Variants in SPIDR observed in about 807,000 individuals in gnomAD.
SPIDR encodes the protein scaffold protein involved in DNA repair, also known as DNA repair-scaffolding protein.
Under a neutral mutation model 104.6 loss-of-function variants are expected in SPIDR, and 93 were observed. The observed-to-expected ratio is 0.89, with a 90% CI of 0.75 to 1.06. SPIDR has a LOEUF of 1.06. Among genes scored for constraint, SPIDR ranks in the 50% least tolerant of loss-of-function variants. The pLI is 0.00. For synonymous variants in SPIDR, 431 were observed against 416.9 expected (o/e 1.03, Z -0.41); for missense variants, 1,154 against 1,111.2 (o/e 1.04, Z -0.55).
chr8:47,288,514 G>C (rs1339262906), intron 3 of SPIDR, among the ~76,000 whole-genome samples: 2 of 152,206 alleles, frequency 1.3e-5, no homozygotes, highest in Non-Finnish European at 2.9e-5. Context: ...TTGAACTTCT[G>C]ACCTCGTGAT....
At chr8:47,707,093 A>T (rs1387767334) in intron 14 of SPIDR, among the ~76,000 whole-genome samples, 1 of 151,432 alleles carries the variant, frequency 6.6e-6, no homozygotes, top group Non-Finnish European at 1.5e-5. Context: ...TCTCTACTAA[A>T]ACTACAAAAA....
At chr8:47,486,800 TGA>T (rs2077703747) in intron 8 of SPIDR, among the ~76,000 whole-genome samples, 5 of 152,142 alleles carry the variant, frequency 3.3e-5, no homozygotes. Context: ...AAGCAAATGC[TGA>T]GAGATTTTGT....
At chr8:47,628,854 A>C (rs2066606183) in intron 10 of SPIDR, among the ~76,000 whole-genome samples, 1 of 152,260 alleles carries the variant, frequency 6.6e-6, no homozygotes, top group Admixed American at 6.5e-5. Context: ...TTGGGATTAA[A>C]GTATAAACCA....
chr8:47,479,286 G>A (rs529952546), intron 8 of SPIDR, among the ~76,000 whole-genome samples: 9 of 151,808 alleles, frequency 5.9e-5, no homozygotes, highest in African/African-American at 2.2e-4. Flanking sequence ...TTGAACCTGG[G>A]AGGCGGAGGC....
chr8:47,576,168 T>A (rs749601556), intron 8 of SPIDR, among the ~76,000 whole-genome samples: 41 of 151,286 alleles, frequency 2.7e-4, no homozygotes, highest in Admixed American at 1.9e-3. Context: ...TATTTATTTA[T>A]TTTGAGACGG....
chr8:47,355,496 C>T (rs16925242), intron 5 of SPIDR, among the ~76,000 whole-genome samples: 6,750 of 152,020 alleles, frequency 0.044, 458 homozygotes, highest in African/African-American at 0.15. Flanking sequence ...TTTGCGGTAA[C>T]GGAGCATTTA....
intron 8 of SPIDR, among the ~76,000 whole-genome samples, chr8:47,493,950 TA>T (rs1342902995): frequency 1.3e-5 from 2 of 152,190 alleles, no homozygotes; most frequent in African/African-American, 4.8e-5. Flanking sequence ...TCAAAAAGCA[TA>T]AGGGGGAGAG....
intron 8 of SPIDR, among the ~76,000 whole-genome samples, chr8:47,468,144 A>G (rs2075181353): frequency 6.6e-6 from 1 of 152,202 alleles, no homozygotes; most frequent in Non-Finnish European, 1.5e-5. Flanking sequence ...AATAGAACTG[A>G]CCAAGGAGGT....
intron 8 of SPIDR, among the ~76,000 whole-genome samples, chr8:47,441,758 G>C (rs891853011): frequency 9.2e-5 from 14 of 152,110 alleles, no homozygotes; most frequent in Admixed American, 2.6e-4. Flanking sequence ...TTTATTCTAA[G>C]ACTTTCATCG....
intron 8 of SPIDR, among the ~76,000 whole-genome samples, chr8:47,570,268 A>T (rs546796720): frequency 1.3e-5 from 2 of 152,234 alleles, no homozygotes; most frequent in African/African-American, 4.8e-5. Context: ...AAACCCCTCT[A>T]TGGTCAGTTG....
chr8:47,645,470 A>T (rs1402922486), intron 10 of SPIDR, among the ~76,000 whole-genome samples: 6 of 152,128 alleles, frequency 3.9e-5, no homozygotes, highest in South Asian at 2.1e-4. Flanking sequence ...ACCAAGCTGA[A>T]GGAGTCAAAT....
chr8:47,682,945 G>C (rs1340081999), intron 11 of SPIDR, among the ~76,000 whole-genome samples: 1 of 152,138 alleles, frequency 6.6e-6, no homozygotes, highest in Non-Finnish European at 1.5e-5. Context: ...CTATCAATGA[G>C]AGTGAAAATC....
intron 10 of SPIDR, among the ~76,000 whole-genome samples, chr8:47,620,096 C>A (rs978904151): frequency 6.6e-6 from 1 of 152,020 alleles, no homozygotes; most frequent in Non-Finnish European, 1.5e-5. Context: ...TAATAGAAAG[C>A]GTACTAGCAG....
At chr8:47,667,227 C>T (rs2075068271) in intron 10 of SPIDR, among the ~76,000 whole-genome samples, 1 of 151,678 alleles carries the variant, frequency 6.6e-6, no homozygotes, top group South Asian at 2.1e-4. Flanking sequence ...GTTGCAGTGA[C>T]CCGAGATCAT....
intron 8 of SPIDR, among the ~76,000 whole-genome samples, chr8:47,518,666 T>C (rs2083520499): frequency 6.6e-6 from 1 of 151,786 alleles, no homozygotes; most frequent in African/African-American, 2.4e-5. Flanking sequence ...AGACGGAGTC[T>C]TGCTCTGTCG....
intron 5 of SPIDR, among the ~76,000 whole-genome samples, chr8:47,387,368 C>T (rs558677063): frequency 6.6e-5 from 10 of 152,204 alleles, no homozygotes; most frequent in Admixed American, 4.6e-4. Flanking sequence ...AATGCTCTGA[C>T]TTAGGTTGTT....
intron 8 of SPIDR, among the ~76,000 whole-genome samples, chr8:47,483,024 G>A (rs1285904936): frequency 6.6e-6 from 1 of 152,218 alleles, no homozygotes; most frequent in African/African-American, 2.4e-5. Flanking sequence ...CCCCTCCACA[G>A]TGGGTGGTGC....
intron 5 of SPIDR, among the ~76,000 whole-genome samples, chr8:47,327,595 T>G (rs2047906369): frequency 6.6e-6 from 1 of 152,006 alleles, no homozygotes; most frequent in South Asian, 2.1e-4. Flanking sequence ...CAGAGTCCTG[T>G]TCTGTTGCCC....
In SPIDR at chr8:47,338,062, T is replaced by C. The variant is rs1052828199; in HGVS notation, c.525+44032T>C. Among the ~76,000 whole-genome samples, 5 of 152,336 alleles carry C rather than the reference T, an allele frequency of 3.3e-5. No individual in the cohort carries two copies. The East Asian group carries it at 9.6e-4, about 29-fold the overall frequency. On this transcript the variant is annotated intron_variant, in intron 5 of 19. Coordinates refer to ENST00000297423, the MANE Select transcript of SPIDR (RefSeq NM_001080394.4). Reference sequence around the variant, plus strand: ...TTTTCAAGGTTGTTTTGGTTCTTCTTATTCTTTTGTGTCTCTATATGAAGT... The same window carrying C: ...TTTTCAAGGTTGTTTTGGTTCTTCTCATTCTTTTGTGTCTCTATATGAAGT...
Sources: allele counts gnomAD v4.1 joint callset (sites outside exome capture counted in the v4.1 genomes callset), GRCh38; gene constraint gnomAD v4.1.1; transcripts MANE v1.5; gene names NCBI Gene and HGNC (gene_info 2026-07-23, HGNC 2026-07-21).